SDK1: variants seen among roughly 807,000 people sequenced by gnomAD.
SDK1 encodes the protein sidekick cell adhesion molecule 1.
In SDK1, 157 loss-of-function variants were observed where a neutral mutation model predicts 245.5. The ratio of observed to expected loss-of-function variants is 0.64; its 90% CI spans 0.56 to 0.73. SDK1 has a LOEUF of 0.73. Among genes scored for constraint, SDK1 ranks in the 30% least tolerant of loss-of-function variants. The pLI, the probability that SDK1 is intolerant of heterozygous loss-of-function variation, is 0.00. For synonymous variants in SDK1, 1,647 were observed against 1,278.5 expected (o/e 1.29, Z -6.15); for missense variants, 3,583 against 3,002.3 (o/e 1.19, Z -4.52).
At chr7:3,500,904 T>TA (rs1782186395) in intron 1 of SDK1, among the ~76,000 whole-genome samples, 1 of 152,110 alleles carries the variant, frequency 6.6e-6, no homozygotes, top group Non-Finnish European at 1.5e-5. Flanking sequence ...TGTTAATTAT[T>TA]AAGAATTCTT....
rs1562397568 is a variant in SDK1 at position 3,723,891 on chromosome 7, CACGTGTATATACACGTACAT to C, written c.713+81788_713+81807del. 5.2e-4 allele frequency among the ~76,000 whole-genome samples: 67 copies of C among 129,864 alleles called. 4 individuals carry two copies. The highest frequency in any genetic ancestry group is 2.1e-3 in the African/African-American group (66 of 30,794). The allele number at this position is 129,864 out of a possible 152,430, so 85.2% of individuals were successfully genotyped here. On this transcript the variant is annotated intron_variant, in intron 4 of 44. Coordinates refer to ENST00000404826, the MANE Select transcript of SDK1 (RefSeq NM_152744.4). ...GTATATACACGTACATATATATATA[CACGTGTATATACACGTACAT>C]ATATATATACACGTATATATATATA... is the stretch of plus-strand genomic sequence containing the variant.
chr7:3,306,976 T>A (rs1466182403), intron 1 of SDK1, among the ~76,000 whole-genome samples: 1 of 152,166 alleles, frequency 6.6e-6, no homozygotes, highest in Non-Finnish European at 1.5e-5. Context: ...GACCTCCAGG[T>A]CCAAATGCGT....
chr7:4,171,352 G>A (rs997937785), intron 32 of SDK1, among the ~76,000 whole-genome samples: 6 of 152,250 alleles, frequency 3.9e-5, no homozygotes, highest in East Asian at 1.9e-4. Flanking sequence ...AGATTGTCCC[G>A]ATGGAAGGCA....
intron 1 of SDK1, among the ~76,000 whole-genome samples, chr7:3,471,504 A>G (rs1392080046): frequency 8.5e-5 from 13 of 152,160 alleles, no homozygotes; most frequent in Admixed American, 8.5e-4. Flanking sequence ...CTTGCTAATT[A>G]AGGAGTCATT....
chr7:4,242,824 T>A (rs1039255967), intron 43 of SDK1, among the ~76,000 whole-genome samples: 2 of 152,176 alleles, frequency 1.3e-5, no homozygotes, highest in Admixed American at 1.3e-4. Context: ...GTTTGGAGAT[T>A]CCCTGGGCCG....
intron 19 of SDK1, among the ~76,000 whole-genome samples, chr7:4,064,050 A>C (rs1224992469): frequency 6.6e-6 from 1 of 152,240 alleles, no homozygotes; most frequent in Non-Finnish European, 1.5e-5. Flanking sequence ...TCTCAAAAGC[A>C]CAGGCAACAA....
rs139040372 is a variant in SDK1 at position 4,009,074 on chromosome 7, G to A, written c.2132-1892G>A. Among the ~76,000 whole-genome samples the A allele has an allele frequency of 1.8e-3, 277 of 152,328 alleles. 1 individual carries two copies. The highest frequency in any genetic ancestry group is 6.8e-3 in the Middle Eastern group (2 of 294). On this transcript the variant is annotated intron_variant, in intron 14 of 44. Transcript: ENST00000404826. ...CCAACACCTGTTATTTTCTGTTTGT[G>A]TGTATGTGTTTTCTTTTCATAATAG...
intron 3 of SDK1, among the ~76,000 whole-genome samples, chr7:3,640,140 A>G (rs1156541386): frequency 1.3e-5 from 2 of 152,192 alleles, no homozygotes; most frequent in African/African-American, 4.8e-5. Context: ...GGATTACAAG[A>G]GTGAGCTTGG....
chr7:4,218,719 G>A (rs1784977887), intron 38 of SDK1, among the ~76,000 whole-genome samples: 1 of 152,110 alleles, frequency 6.6e-6, no homozygotes, highest in Admixed American at 6.5e-5. Context: ...CAGGACGGTG[G>A]GTGCCACTCA....
At chr7:3,554,461 A>G (rs576458262) in intron 1 of SDK1, among the ~76,000 whole-genome samples, 1 of 152,348 alleles carries the variant, frequency 6.6e-6, no homozygotes, top group South Asian at 2.1e-4. Context: ...AGTGAAATTT[A>G]TGGCACTAAA....
chr7:4,211,765 A>G (rs1784526074), intron 38 of SDK1, among the ~76,000 whole-genome samples: 1 of 151,996 alleles, frequency 6.6e-6, no homozygotes, highest in African/African-American at 2.4e-5. Flanking sequence ...GCCCACCACC[A>G]CGCCCAGCTA....
chr7:4,113,347 G>A lies in SDK1; in HGVS notation c.3493G>A (p.Val1165Ile), dbSNP rs1584177390. ...GPSPYSPSSR[V>I]IQTLQAPPDV... is the part of the protein sequence containing the mutation. ...GAGCCCCTACAGTCCGTCTTCCCGG[G>A]TCATCCAGACCCTGCAGGCCCCACC... Residue 1165 changes from valine (V) to isoleucine (I), a missense_variant, in exon 24 of 45, where the codon GTC (valine) becomes ATC (isoleucine). Val to Ile is a conservative substitution (Grantham distance 29). Coordinates refer to ENST00000404826, the MANE Select transcript of SDK1 (RefSeq NM_152744.4). 1.9e-6 allele frequency: 3 copies of A among 1,613,982 alleles called. No homozygotes were observed. Among genetic ancestry groups the A allele is most frequent in the Non-Finnish European group, 2.5e-6 (3 of 1,180,038 alleles).
chr7:3,584,231 G>T (rs1780609671), intron 1 of SDK1, among the ~76,000 whole-genome samples: 1 of 152,114 alleles, frequency 6.6e-6, no homozygotes, highest in African/African-American at 2.4e-5. Flanking sequence ...TGTAGGAGGG[G>T]ATATGTTGTG....
intron 44 of SDK1, among the ~76,000 whole-genome samples, chr7:4,250,377 T>C (rs1583175920): frequency 6.6e-6 from 1 of 152,164 alleles, no homozygotes; most frequent in South Asian, 2.1e-4. Flanking sequence ...GGAGTTTTGC[T>C]CTGTCGCTCA....
chr7:3,712,817 A>T (rs10271900), intron 4 of SDK1, among the ~76,000 whole-genome samples: 9,592 of 152,272 alleles, frequency 0.063, 358 homozygotes, highest in Middle Eastern at 0.14. Context: ...CAGAGTCTAA[A>T]TGTGGCTAAA....
At position 4,012,149 on chromosome 7, in the gene SDK1, TG is replaced by T; in HGVS notation, c.2337del (p.Arg780GlyfsTer48). Reference protein sequence around the residue: ...SAPPKNIVASGRTNQSIMVQW... With the variant: ...SAPPKNIVASXRTNQSIMVQW... ...CTCCCCCGAAAAATATAGTGGCCAGTGGGCGGACTAATCAGTCCATTATGGT... is the reference window on the plus strand; with the variant it reads ...CTCCCCCGAAAAATATAGTGGCCAGTGGCGGACTAATCAGTCCATTATGGT... On this transcript the variant is annotated frameshift_variant, in exon 16 of 45. Transcript: ENST00000404826. LOFTEE classifies it high-confidence loss of function. 1 of 1,577,758 alleles carries T rather than the reference TG, an allele frequency of 6.3e-7. No individual in the cohort carries two copies. The highest frequency in any genetic ancestry group is 8.6e-7 in the Non-Finnish European group (1 of 1,162,310).
chr7:3,991,503 C>T (rs143864139), intron 14 of SDK1, among the ~76,000 whole-genome samples: 2 of 152,260 alleles, frequency 1.3e-5, no homozygotes, highest in African/African-American at 4.8e-5. Context: ...AGGTGGGGTC[C>T]CTGTGTTGGT....
At chr7:3,970,656 A>T (rs1001323327) in intron 11 of SDK1, among the ~76,000 whole-genome samples, 4 of 152,238 alleles carry the variant, frequency 2.6e-5, no homozygotes, top group Non-Finnish European at 2.9e-5. Flanking sequence ...CATTATAGCG[A>T]CACTAGCCTG....
intron 4 of SDK1, among the ~76,000 whole-genome samples, chr7:3,655,082 A>G (rs911730147): frequency 1.4e-5 from 2 of 144,412 alleles, no homozygotes; most frequent in Non-Finnish European, 1.5e-5. Context: ...ATCTGTACCC[A>G]CATTATATTT....
Sources: allele counts gnomAD v4.1 joint callset (sites outside exome capture counted in the v4.1 genomes callset), GRCh38; gene constraint gnomAD v4.1.1; transcripts MANE v1.5; gene names NCBI Gene and HGNC (gene_info 2026-07-23, HGNC 2026-07-21).